The following WTIP variants were observed in gnomAD, a reference collection of about 807,000 sequenced individuals.
The protein encoded by WTIP is WT1 interacting protein.
WTIP carries 23 observed loss-of-function variants against 41.7 expected under a neutral mutation model. The observed-to-expected ratio is 0.55, with a 90% CI of 0.40 to 0.78. The LOEUF is 0.78. Among genes scored for constraint, WTIP ranks in the 30% least tolerant of loss-of-function variants. The probability of loss-of-function intolerance (pLI) is 0.00; values close to 1 mark genes in which losing one functional copy is unlikely to be tolerated. For missense variants in WTIP, 619 were observed against 610.5 expected, an observed-to-expected ratio of 1.01 and a Z score of -0.15; for synonymous variants, 314 against 269.9, an observed-to-expected ratio of 1.16 and a Z score of -1.60.
At position 34,493,732 on chromosome 19, in the gene WTIP, C is replaced by T. The variant is rs2075838482; in HGVS notation, c.1031+110C>T. 6.8e-7 allele frequency: 1 copy of T among 1,462,534 alleles called. No individual in the cohort carries two copies. The highest frequency in any genetic ancestry group is 1.3e-5 in the South Asian group (1 of 79,710). 90.6% of individuals were successfully genotyped at this position (1,462,534 alleles called of 1,614,324 possible). On this transcript the variant is annotated intron_variant, in intron 5 of 7. Transcript: ENST00000590071. This position sits in a 1 kb window ranked among gnomAD's most constrained non-coding sequence, Gnocchi z 4.1. ...CTGCCCTTTGTTCTTGGCCTTTTGC[C>T]TTCCGCCTCCCCTTGTACACCTGGG...
In WTIP at chr19:34,494,479, G is replaced by A. The variant is rs1285690139; in HGVS notation, c.1032-107G>A. ...CGAGGTGTGCACACAGGGAGAGAGG[G>A]CCTGATACTTGGGCTACGTCAGTGG... On this transcript the variant is annotated intron_variant, in intron 5 of 7. Transcript: ENST00000590071. 7.6e-6 allele frequency: 8 copies of A among 1,047,420 alleles called. No individual in the cohort carries two copies. The South Asian group carries it at 1.1e-4, about 14-fold the overall frequency. The allele number at this position is 1,047,420 out of a possible 1,614,324, so 64.9% of individuals were successfully genotyped here. A position where few individuals can be genotyped will look rare whatever the true frequency, so the allele number is the denominator to read the frequency against.
intron 2 of WTIP, among the ~76,000 whole-genome samples, chr19:34,490,867 G>A (rs767097611): frequency 1.3e-5 from 2 of 152,154 alleles, no homozygotes; most frequent in African/African-American, 4.8e-5. Context: ...TGTTGCCCAC[G>A]CTGGAGTGCA....
In WTIP at chr19:34,493,555, T is replaced by C; in HGVS notation, c.964T>C (p.Cys322Arg). The C allele has an allele frequency of 6.2e-7, 1 of 1,613,642 alleles. No individual in the cohort carries two copies. The highest frequency in any genetic ancestry group is 8.5e-7 in the Non-Finnish European group (1 of 1,179,868). The change falls in exon 5 of 8, where the codon TGC becomes CGC. Residue 322 changes from cysteine (C) to arginine (R), a missense_variant. Coordinates refer to ENST00000590071, the MANE Select transcript of WTIP (RefSeq NM_001080436.2). The surrounding 1 kb of genome is among the most constrained non-coding windows in gnomAD (Gnocchi z 4.1). ...GCFRCSVCNECLDGVPFTVDV... is the reference protein window; with the variant it reads ...GCFRCSVCNERLDGVPFTVDV... ...CTTCCGGTGCTCCGTGTGCAATGAGTGCCTGGACGGGGTTCCCTTCACCGT... is the reference window on the plus strand; with the variant it reads ...CTTCCGGTGCTCCGTGTGCAATGAGCGCCTGGACGGGGTTCCCTTCACCGT...
chr19:34,499,319 G>A (rs527837264), intron 7 of WTIP, among the ~76,000 whole-genome samples: 95 of 152,024 alleles, frequency 6.2e-4, no homozygotes, highest in African/African-American at 2.2e-3. Context: ...AGACCAGCCT[G>A]AGCAACATGA....
chr19:34,485,140 A>G lies in WTIP; in HGVS notation c.667+2499A>G, dbSNP rs189887545. 2.4e-3 allele frequency among the ~76,000 whole-genome samples: 362 copies of G among 151,854 alleles called. 2 individuals carry two copies. The highest frequency in any genetic ancestry group is 7.9e-3 in the African/African-American group (328 of 41,396). ...GCTCTGTCGCCCAGGCTGGAGTGCA[A>G]TGGTGCGATCTCAGCTCACTGCAGC... is the stretch of plus-strand genomic sequence containing the variant. On this transcript the variant is annotated intron_variant, in intron 1 of 7. Transcript: ENST00000590071.
At position 34,509,796 on chromosome 19, in the gene WTIP, G is replaced by A. The variant is rs893237511; in HGVS notation, c.*9527G>A. ...TTGGGTGAATACGGCCATTCCAAATGGGAGAAATTGGCCAAAACAAAGGGG... is the reference window on the plus strand; with the variant it reads ...TTGGGTGAATACGGCCATTCCAAATAGGAGAAATTGGCCAAAACAAAGGGG... On this transcript the variant is annotated 3_prime_UTR_variant, in exon 8 of 8. Transcript: ENST00000590071. 7 of 152,184 alleles carry A rather than the reference G, an allele frequency of 4.6e-5. No individual in the cohort carries two copies. The highest frequency in any genetic ancestry group is 1.4e-4 in the African/African-American group (6 of 41,446). The allele number at this position is 152,184 out of a possible 1,614,324, so 9.4% of individuals were successfully genotyped here.
At chr19:34,488,848 A>C (rs2075810823) in intron 1 of WTIP, among the ~76,000 whole-genome samples, 1 of 146,458 alleles carries the variant, frequency 6.8e-6, no homozygotes, top group Admixed American at 7.1e-5. Context: ...GGCTGCAGTG[A>C]GCTATGATTA....
intron 1 of WTIP, among the ~76,000 whole-genome samples, chr19:34,485,108 G>A (rs2145592223): frequency 6.6e-6 from 1 of 152,168 alleles, no homozygotes; most frequent in Middle Eastern, 3.4e-3. Flanking sequence ...TTTTGAGACG[G>A]AGTCTTGCTC....
chr19:34,499,429 G>A (rs2075872547), intron 7 of WTIP, among the ~76,000 whole-genome samples: 1 of 152,018 alleles, frequency 6.6e-6, no homozygotes, highest in Admixed American at 6.6e-5. Context: ...GATCACTTGA[G>A]CCCTGGAGGT....
At position 34,505,303 on chromosome 19, in the gene WTIP, G is replaced by A. The variant is rs750821426; in HGVS notation, c.*5034G>A. 4 of 152,232 alleles carry A rather than the reference G, an allele frequency of 2.6e-5. No homozygotes were observed. The highest frequency in any genetic ancestry group is 6.5e-5 in the Admixed American group (1 of 15,286). The allele number at this position is 152,232 out of a possible 1,614,324, so 9.4% of individuals were successfully genotyped here. On this transcript the variant is annotated 3_prime_UTR_variant, in exon 8 of 8. Transcript: ENST00000590071. ...CCTGGAGAGTGCTCAGGAAACTCAG[G>A]AGGAGTGTGGACGCGGCTCCTCTCC... is the stretch of plus-strand genomic sequence containing the variant.
At position 34,482,453 on chromosome 19, in the gene WTIP, T is replaced by TC; in HGVS notation, c.482dup (p.Pro162AlafsTer88). ...TCGGCCGGCGCCTACGCTGACTTCC[T>TC]CCCGCCCGGCGCCTGCCCCGCGCCC... On this transcript the variant is annotated frameshift_variant, in exon 1 of 8. Coordinates refer to ENST00000590071, the MANE Select transcript of WTIP (RefSeq NM_001080436.2). LOFTEE classifies it high-confidence loss of function. 1 of 1,288,872 alleles carries TC rather than the reference T, an allele frequency of 7.8e-7. No individual in the cohort carries two copies. The highest frequency in any genetic ancestry group is 2.1e-5 in the South Asian group (1 of 46,946). The allele number at this position is 1,288,872 out of a possible 1,614,324, so 79.8% of individuals were successfully genotyped here.
intron 6 of WTIP, among the ~76,000 whole-genome samples, chr19:34,495,215 G>A (rs1434001953): frequency 6.6e-6 from 1 of 152,180 alleles, no homozygotes; most frequent in East Asian, 1.9e-4. Context: ...GGGCCGCCTA[G>A]TGAGACCCCA....
Position 34,506,110 on chromosome 19 carries a change from C to T in WTIP, c.*5841C>T, listed in dbSNP as rs928075417. ...TTCTCTTCTGCGCTCTGAATGTGCA[C>T]TCCGCGTGTTCAGATGCTCATGGTT... On this transcript the variant is annotated 3_prime_UTR_variant, in exon 8 of 8. Transcript: ENST00000590071. The T allele has an allele frequency of 6.6e-6, 1 of 152,214 alleles. No homozygotes were observed. Among genetic ancestry groups the T allele is most frequent in the African/African-American group, 2.4e-5 (1 of 41,448 alleles). 9.4% of individuals were successfully genotyped at this position (152,214 alleles called of 1,614,324 possible).
rs574357041 is a variant in WTIP at position 34,508,076 on chromosome 19, C to CT, written c.*7817dup. The stretch of plus-strand genomic sequence containing the variant: ...CATTCTCTGTTAGTGTGAGGTGGGA[C>CT]TTTTTTTTTTGTTTTGAGATGGAGT... On this transcript the variant is annotated 3_prime_UTR_variant, in exon 8 of 8. Transcript: ENST00000590071. 4.2e-4 allele frequency: 62 copies of CT among 148,284 alleles called. No homozygotes were observed. In the East Asian group the frequency reaches 4.4e-3, roughly 10 times the overall value. The allele number at this position is 148,284 out of a possible 1,614,324, so 9.2% of individuals were successfully genotyped here.
In WTIP at chr19:34,481,828, C is replaced by A. The variant is rs892915949; in HGVS notation, c.-147C>A. 47 of 263,508 alleles carry A rather than the reference C, an allele frequency of 1.8e-4. No homozygotes were observed. The highest frequency in any genetic ancestry group is 2.5e-4 in the Non-Finnish European group (43 of 172,854). The allele number at this position is 263,508 out of a possible 1,614,324, so 16.3% of individuals were successfully genotyped here. On this transcript the variant is annotated 5_prime_UTR_variant, in exon 1 of 8. Transcript: ENST00000590071. ...GGCCCGCGCGTGGCCGCCGGAACGA[C>A]CCCGGCCCGGCGCCGGCCCCGCCCC...
rs377045076 is a variant in WTIP at position 34,500,185 on chromosome 19, C to T, written c.1209C>T (p.Gly403=). The T allele has an allele frequency of 5.6e-6, 9 of 1,603,936 alleles. No individual in the cohort carries two copies. The highest frequency in any genetic ancestry group is 2.7e-5 in the African/African-American group (2 of 75,046). Residue 403 remains glycine, a synonymous_variant, in exon 8 of 8, where the codon GGC becomes GGT. Transcript: ENST00000590071. ...EEGRRCYPLA[G]HLLCRRCHLR... is the part of the protein sequence containing the mutation. ...GACGCCGTTGCTATCCCCTGGCGGG[C>T]CACCTACTGTGTCGTCGTTGCCACC...
In WTIP at chr19:34,493,339, C is replaced by T; in HGVS notation, c.900+14C>T. On this transcript the variant is annotated intron_variant, in intron 4 of 7. Transcript: ENST00000590071. This position sits in a 1 kb window ranked among gnomAD's most constrained non-coding sequence, Gnocchi z 4.1. ...ATCATGGAAATGGTGAGCCCCTGCC[C>T]CAGCCTCCTGGAGCCCCTCTGACGT... The T allele has an allele frequency of 6.2e-7, 1 of 1,610,970 alleles. No homozygotes were observed. The highest frequency in any genetic ancestry group is 8.5e-7 in the Non-Finnish European group (1 of 1,178,882).
In WTIP at chr19:34,506,934, C is replaced by T. The variant is rs1380722921; in HGVS notation, c.*6665C>T. The stretch of plus-strand genomic sequence containing the variant: ...GCTCTTTTCATTTAATAATTGTGTT[C>T]AGCCTGGCCGGGCGCGGTGGCTCAC... On this transcript the variant is annotated 3_prime_UTR_variant, in exon 8 of 8. Coordinates refer to ENST00000590071, the MANE Select transcript of WTIP (RefSeq NM_001080436.2). The T allele has an allele frequency of 6.6e-6, 1 of 150,774 alleles. No individual in the cohort carries two copies. The highest frequency in any genetic ancestry group is 6.6e-5 in the Admixed American group (1 of 15,142). 9.3% of individuals were successfully genotyped at this position (150,774 alleles called of 1,614,324 possible). A position where few individuals can be genotyped will look rare whatever the true frequency, so the allele number is the denominator to read the frequency against.
In WTIP at chr19:34,490,472, C is replaced by T. The variant is rs1345939821; in HGVS notation, c.764C>T (p.Ser255Leu). ...LYHTDCFTCD[S>L]CGRRLRGKAF... ...CACACTGACTGCTTCACCTGCGACTCGTGTGGTAGGTAACCTCGTGCCCTG... is the reference window on the plus strand; with the variant it reads ...CACACTGACTGCTTCACCTGCGACTTGTGTGGTAGGTAACCTCGTGCCCTG... The change falls in exon 2 of 8, where the codon TCG (serine) becomes TTG (leucine). Residue 255 changes from serine to leucine, a missense_variant. Physicochemically the swap from Ser to Leu is moderately radical, Grantham distance 145. Around this residue, in one of 3 missense-constraint regions of WTIP, gnomAD observed 164 missense variants for 219.1 expected, o/e 0.75. Coordinates refer to ENST00000590071, the MANE Select transcript of WTIP (RefSeq NM_001080436.2). The T allele has an allele frequency of 3.7e-6, 6 of 1,613,952 alleles. No individual in the cohort carries two copies. The highest frequency in any genetic ancestry group is 1.6e-4 in the Middle Eastern group (1 of 6,062).
Sources: allele counts gnomAD v4.1 joint callset (sites outside exome capture counted in the v4.1 genomes callset), GRCh38; gene constraint gnomAD v4.1.1; regional missense constraint gnomAD v4.1.1; non-coding constraint Gnocchi (gnomAD v3.1); transcripts MANE v1.5; gene names NCBI Gene and HGNC (gene_info 2026-07-23, HGNC 2026-07-21).